UBTD2: variants seen among roughly 807,000 people sequenced by gnomAD.
The protein encoded by UBTD2 is ubiquitin domain containing 2.
Under a neutral mutation model 19.8 loss-of-function variants are expected in UBTD2, and 9 were observed. The observed-to-expected ratio is 0.46, with a 90% confidence interval of 0.27 to 0.79. The LOEUF (loss-of-function observed/expected upper bound fraction) is 0.79, where lower values mean the gene tolerates loss of function less well. Among genes scored for constraint, UBTD2 ranks in the 30% least tolerant of loss-of-function variants. The pLI is 0.14. For missense variants in UBTD2, 250 were observed against 300.4 expected (o/e 0.83, Z 1.24); for synonymous variants, 98 against 103.9 (o/e 0.94, Z 0.35).
intron 1 of UBTD2, among the ~76,000 whole-genome samples, chr5:172,256,547 T>A (rs1396099132): frequency 1.4e-5 from 2 of 143,736 alleles, no homozygotes; most frequent in South Asian, 4.5e-4. Context: ...TTTTTTTTTT[T>A]AGTAGACATG....
At chr5:172,225,065 A>G (rs1413141080) in intron 2 of UBTD2, among the ~76,000 whole-genome samples, 2 of 151,548 alleles carry the variant, frequency 1.3e-5, no homozygotes, top group African/African-American at 2.4e-5. Context: ...CTCACCTAAC[A>G]TCCTCTGTGG....
At chr5:172,254,721 A>G in intron 1 of UBTD2, 1 of 303,260 alleles carries the variant, frequency 3.3e-6, no homozygotes, top group Non-Finnish European at 6.2e-6. Flanking sequence ...TTCTCTTGCA[A>G]CAATGCTTGT....
intron 1 of UBTD2, among the ~76,000 whole-genome samples, chr5:172,270,661 T>A (rs1561866840): frequency 6.6e-6 from 1 of 152,126 alleles, no homozygotes; most frequent in Non-Finnish European, 1.5e-5. Context: ...GCCTAGAATT[T>A]TAGAGTTTTT....
intron 1 of UBTD2, among the ~76,000 whole-genome samples, chr5:172,241,777 G>A (rs1418921179): frequency 4.6e-5 from 7 of 152,102 alleles, no homozygotes; most frequent in Non-Finnish European, 1.0e-4. Context: ...CACTTTAGGA[G>A]GCCAAGATGC....
chr5:172,243,233 T>A (rs1421744764), intron 1 of UBTD2, among the ~76,000 whole-genome samples: 1 of 151,636 alleles, frequency 6.6e-6, no homozygotes, highest in Non-Finnish European at 1.5e-5. Flanking sequence ...AATAAGGTAC[T>A]CCAGTTCTGA....
chr5:172,229,989 G>C (rs182156020), intron 2 of UBTD2, among the ~76,000 whole-genome samples: 1 of 152,112 alleles, frequency 6.6e-6, no homozygotes, highest in African/African-American at 2.4e-5. Context: ...TTCAAGAAAT[G>C]TAAGACAATG....
At chr5:172,255,955 G>T (rs770234898) in intron 1 of UBTD2, among the ~76,000 whole-genome samples, 2 of 152,098 alleles carry the variant, frequency 1.3e-5, no homozygotes, top group Non-Finnish European at 2.9e-5. Flanking sequence ...CGGGCGTGGT[G>T]GCGGATACCT....
chr5:172,261,398 T>C (rs1430567590), intron 1 of UBTD2, among the ~76,000 whole-genome samples: 1 of 152,164 alleles, frequency 6.6e-6, no homozygotes, highest in African/African-American at 2.4e-5. Flanking sequence ...TCCTTTCTTG[T>C]ACCTCAGTGA....
intron 1 of UBTD2, among the ~76,000 whole-genome samples, chr5:172,260,787 T>G (rs985827740): frequency 1.3e-5 from 2 of 152,228 alleles, no homozygotes; most frequent in Non-Finnish European, 2.9e-5. Flanking sequence ...CACTATGTCC[T>G]ACTTGTTATA....
At chr5:172,226,079 C>A (rs1771757011) in intron 2 of UBTD2, among the ~76,000 whole-genome samples, 1 of 152,026 alleles carries the variant, frequency 6.6e-6, no homozygotes, top group Admixed American at 6.6e-5. Flanking sequence ...GCTGGGACCA[C>A]AGGCGCCTGC....
chr5:172,227,494 T>C (rs1036618408), intron 2 of UBTD2, among the ~76,000 whole-genome samples: 2 of 151,626 alleles, frequency 1.3e-5, no homozygotes, highest in African/African-American at 4.8e-5. Context: ...ATGCCTTCAT[T>C]CCTAAGCTTT....
At chr5:172,261,234 C>A (rs1755264223) in intron 1 of UBTD2, among the ~76,000 whole-genome samples, 1 of 152,184 alleles carries the variant, frequency 6.6e-6, no homozygotes, top group South Asian at 2.1e-4. Flanking sequence ...ATTCTAAGAG[C>A]AGAGAGAACA....
intron 2 of UBTD2, among the ~76,000 whole-genome samples, chr5:172,225,441 A>G (rs1047966831): frequency 1.3e-5 from 2 of 152,232 alleles, no homozygotes; most frequent in African/African-American, 2.4e-5. Flanking sequence ...AAATGTCATT[A>G]GGACTAATGC....
chr5:172,224,724 C>A (rs1290056503), intron 2 of UBTD2, among the ~76,000 whole-genome samples: 1 of 152,188 alleles, frequency 6.6e-6, no homozygotes, highest in African/African-American at 2.4e-5. Flanking sequence ...CTAAGGCCCC[C>A]TCAGCCCTGT....
intron 1 of UBTD2, among the ~76,000 whole-genome samples, chr5:172,264,535 C>T (rs1367796324): frequency 4.2e-5 from 6 of 143,826 alleles, no homozygotes; most frequent in Non-Finnish European, 7.5e-5. Flanking sequence ...AGCGAGATTC[C>T]GTCTCAAAAA....
At chr5:172,252,267 C>T (rs1443515478) in intron 1 of UBTD2, 1 of 152,138 alleles carries the variant, frequency 6.6e-6, no homozygotes, top group Non-Finnish European at 1.5e-5. Flanking sequence ...TTTTAAGGCT[C>T]CACAAGATTT....
intron 1 of UBTD2, among the ~76,000 whole-genome samples, chr5:172,276,644 T>C (rs1343726094): frequency 6.6e-6 from 1 of 151,996 alleles, no homozygotes; most frequent in African/African-American, 2.4e-5. Context: ...AGTTGCATTA[T>C]GTTCCTTAGG....
intron 1 of UBTD2, among the ~76,000 whole-genome samples, chr5:172,255,697 C>T (rs552252907): frequency 3.9e-5 from 6 of 152,232 alleles, no homozygotes; most frequent in African/African-American, 1.2e-4. Context: ...CACATGATGC[C>T]GGCGCCGCTC....
intron 1 of UBTD2, chr5:172,252,328 T>C (rs551301256): frequency 2.8e-4 from 42 of 152,256 alleles, no homozygotes; most frequent in African/African-American, 8.9e-4. Flanking sequence ...CCTTTTTTTT[T>C]CCCCTCTGTG....
Sources: gnomAD v4.1 joint callset for allele counts (sites outside exome capture counted in the v4.1 genomes callset) on GRCh38, gnomAD v4.1.1 for gene constraint, MANE v1.5 for transcripts, NCBI Gene and HGNC (gene_info 2026-07-23, HGNC 2026-07-21) for gene names.